The following GPC5 variants were observed in gnomAD, a reference collection of about 807,000 sequenced individuals.
GPC5 encodes glypican-5.
Under a neutral mutation model 53.9 loss-of-function variants are expected in GPC5, and 47 were observed. That is an observed-to-expected ratio of 0.87 (90% CI 0.69 to 1.11). The LOEUF is 1.11. Ranked by LOEUF, GPC5 falls within the 50% of genes most tolerant of loss-of-function variation. GPC5 has a pLI of 0.00. For synonymous variants in GPC5, 286 were observed against 263.3 expected (o/e 1.09, Z -0.84); for missense variants, 748 against 713.1 (o/e 1.05, Z -0.56).
intron 6 of GPC5, among the ~76,000 whole-genome samples, chr13:92,089,154 G>T (rs2041358144): frequency 6.6e-6 from 1 of 152,162 alleles, no homozygotes; most frequent in South Asian, 2.1e-4. Context: ...TTAAAAATAG[G>T]CCTGGTACAG....
chr13:91,676,048 G>T (rs2035374561), intron 2 of GPC5, among the ~76,000 whole-genome samples: 1 of 152,092 alleles, frequency 6.6e-6, no homozygotes, highest in Non-Finnish European at 1.5e-5. Context: ...CATAGATCAT[G>T]GGAGCCTTTG....
At chr13:92,681,083 T>C (rs374742982) in intron 7 of GPC5, among the ~76,000 whole-genome samples, 2 of 151,992 alleles carry the variant, frequency 1.3e-5, no homozygotes, top group Admixed American at 6.6e-5. Context: ...AAGAATGTAG[T>C]TGAGAGGACA....
At chr13:91,867,171 C>A (rs527436710) in intron 5 of GPC5, among the ~76,000 whole-genome samples, 4 of 152,276 alleles carry the variant, frequency 2.6e-5, no homozygotes, top group Admixed American at 2.0e-4. Context: ...GCCGAGGTCA[C>A]GCCATTGTGC....
chr13:91,561,260 G>A (rs554414634), intron 2 of GPC5, among the ~76,000 whole-genome samples: 1 of 152,152 alleles, frequency 6.6e-6, no homozygotes, highest in East Asian at 1.9e-4. Flanking sequence ...AACCACACCA[G>A]CACATTAATC....
At position 92,320,614 on chromosome 13, in the gene GPC5, T is replaced by C. The variant is rs559042087; in HGVS notation, c.1561+175625T>C. ...GAGTTCCAGCTTGTCTTTTGTTGGA[T>C]GCCTTATTTCTTAATGACCCTTGAT... On this transcript the variant is annotated intron_variant, in intron 7 of 7. Transcript: ENST00000377067. Among the ~76,000 whole-genome samples, 16 of 152,288 alleles carry C rather than the reference T, an allele frequency of 1.1e-4. No homozygotes were observed. In the South Asian group the frequency reaches 3.3e-3, roughly 32 times the overall value.
chr13:91,703,794 T>C (rs1306615636), intron 3 of GPC5, among the ~76,000 whole-genome samples: 1 of 152,196 alleles, frequency 6.6e-6, no homozygotes, highest in Non-Finnish European at 1.5e-5. Flanking sequence ...TAATGGGGAA[T>C]TATTTTAAAA....
Position 91,929,732 on chromosome 13 carries a change from CT to C in GPC5, c.1401+21678del, listed in dbSNP as rs201293917. 2.0e-5 allele frequency among the ~76,000 whole-genome samples: 3 copies of C among 151,924 alleles called. No individual in the cohort carries two copies. In the East Asian group the frequency reaches 5.8e-4, roughly 29 times the overall value. ...TACATTTTCCTGCTGTTCCTTTATT[CT>C]TTGTTTCATGTATATCTATTTTCAA... On this transcript the variant is annotated intron_variant, in intron 6 of 7. Coordinates refer to ENST00000377067, the MANE Select transcript of GPC5 (RefSeq NM_004466.6).
At chr13:92,117,477 C>G (rs2041610478) in intron 6 of GPC5, among the ~76,000 whole-genome samples, 1 of 152,088 alleles carries the variant, frequency 6.6e-6, no homozygotes, top group Non-Finnish European at 1.5e-5. Flanking sequence ...TTCTGCCTTG[C>G]CCTACACATT....
chr13:92,229,908 C>G (rs1251258771), intron 7 of GPC5, among the ~76,000 whole-genome samples: 1 of 151,814 alleles, frequency 6.6e-6, no homozygotes, highest in African/African-American at 2.4e-5. Flanking sequence ...CTCTTTTTCC[C>G]CTAAAGCATT....
intron 2 of GPC5, among the ~76,000 whole-genome samples, chr13:91,648,029 C>A (rs904057443): frequency 2.0e-5 from 3 of 152,152 alleles, no homozygotes; most frequent in African/African-American, 7.2e-5. Context: ...GCTAAAGGAG[C>A]CTCCTCTGTG....
At chr13:91,756,258 G>A in intron 4 of GPC5, 37 bp from the exon 5 acceptor site, 1 of 1,441,720 alleles carries the variant, frequency 6.9e-7, no homozygotes, top group Non-Finnish European at 9.3e-7. Context: ...TATTGTGGAT[G>A]TTTGGTTTTA....
intron 7 of GPC5, among the ~76,000 whole-genome samples, chr13:92,517,987 C>A (rs1880864019): frequency 6.6e-6 from 1 of 152,076 alleles, no homozygotes; most frequent in Admixed American, 6.6e-5. Flanking sequence ...CTTAAATGAC[C>A]TGATGGAGCT....
chr13:92,059,614 T>G (rs754984064), intron 6 of GPC5, among the ~76,000 whole-genome samples: 9 of 152,052 alleles, frequency 5.9e-5, no homozygotes, highest in Non-Finnish European at 1.3e-4. Flanking sequence ...TCATTTATAA[T>G]GACGGTAGGA....
At chr13:91,797,192 A>G (rs2038060163) in intron 5 of GPC5, among the ~76,000 whole-genome samples, 1 of 152,164 alleles carries the variant, frequency 6.6e-6, no homozygotes, top group Non-Finnish European at 1.5e-5. Flanking sequence ...ACTGACCTCC[A>G]GAATCCTCAT....
At chr13:92,201,268 G>A (rs2042293372) in intron 7 of GPC5, among the ~76,000 whole-genome samples, 1 of 152,184 alleles carries the variant, frequency 6.6e-6, no homozygotes, top group Admixed American at 6.5e-5. Flanking sequence ...TGAGATGGTT[G>A]AAAATGGTAT....
chr13:91,985,253 G>C (rs556840169), intron 6 of GPC5, among the ~76,000 whole-genome samples: 6 of 152,114 alleles, frequency 3.9e-5, no homozygotes, highest in Non-Finnish European at 8.8e-5. Flanking sequence ...GGCTTTGACT[G>C]GTATTGACAT....
rs527670228 is a variant in GPC5, at chr13:92,172,246, T to C, written c.1561+27257T>C. On this transcript the variant is annotated intron_variant, in intron 7 of 7. Coordinates refer to ENST00000377067, the MANE Select transcript of GPC5 (RefSeq NM_004466.6). ...GTATTTGGAAGAACAGAATTTCCAG[T>C]TTGGAGTAGTGGGGTCAAGTTGGGT... Among the ~76,000 whole-genome samples the C allele has an allele frequency of 5.3e-5, 8 of 152,178 alleles. No individual in the cohort carries two copies. The South Asian group carries it at 1.7e-3, about 32-fold the overall frequency.
chr13:92,784,337 G>A (rs1876137053), intron 7 of GPC5, among the ~76,000 whole-genome samples: 1 of 152,090 alleles, frequency 6.6e-6, no homozygotes, highest in African/African-American at 2.4e-5. Context: ...CTATTTTGTA[G>A]TGATTTGAAT....
In GPC5 at chr13:91,866,358, C is replaced by T. The variant is rs541266593; in HGVS notation, c.1281-41579C>T. 5.9e-5 allele frequency among the ~76,000 whole-genome samples: 9 copies of T among 152,248 alleles called. No individual in the cohort carries two copies. The East Asian group carries it at 1.7e-3, about 29-fold the overall frequency. On this transcript the variant is annotated intron_variant, in intron 5 of 7. Coordinates refer to ENST00000377067, the MANE Select transcript of GPC5 (RefSeq NM_004466.6). ...TGGATATTTTGTCCCCTCCAAATCTCATGTTGAAATGTGACTTCCAGTGTT... is the reference window on the plus strand; with the variant it reads ...TGGATATTTTGTCCCCTCCAAATCTTATGTTGAAATGTGACTTCCAGTGTT...
Sources: gnomAD v4.1 joint callset for allele counts (sites outside exome capture counted in the v4.1 genomes callset) on GRCh38, gnomAD v4.1.1 for gene constraint, MANE v1.5 for transcripts, NCBI Gene and HGNC (gene_info 2026-07-23, HGNC 2026-07-21) for gene names.